The following ECT2L variants were observed in gnomAD, a reference collection of about 807,000 sequenced individuals.
ECT2L encodes the protein epithelial cell transforming 2 like.
In ECT2L, 126 loss-of-function variants were observed where a neutral mutation model predicts 122.8. The observed-to-expected ratio is 1.03, with a 90% CI of 0.89 to 1.19. The LOEUF is 1.19. ECT2L is among the 50% of genes most tolerant of loss of function. The probability of loss-of-function intolerance (pLI) is 0.00; values close to 1 mark genes in which losing one functional copy is unlikely to be tolerated. For synonymous variants in ECT2L, 385 were observed against 381.8 expected (o/e 1.01, Z -0.10); for missense variants, 1,012 against 1,064.1 (o/e 0.95, Z 0.68).
chr6:138,849,497 T>C, intron 9 of ECT2L, 63 bp downstream of exon 9: 1 of 1,486,254 alleles, frequency 6.7e-7, no homozygotes, highest in Non-Finnish European at 9.0e-7. Flanking sequence ...TTGTCCACAG[T>C]GTGACTTCCG....
At chr6:138,850,134 G>A (rs1029782826) in intron 9 of ECT2L, among the ~76,000 whole-genome samples, 2 of 128,690 alleles carry the variant, frequency 1.6e-5, no homozygotes, top group Non-Finnish European at 1.6e-5. Flanking sequence ...AGTATTTGTC[G>A]TTTTGTGACT....
intron 4 of ECT2L, among the ~76,000 whole-genome samples, chr6:138,825,817 A>AT (rs1776428741): frequency 6.6e-6 from 1 of 152,216 alleles, no homozygotes; most frequent in Non-Finnish European, 1.5e-5. Flanking sequence ...TGAAGACTTT[A>AT]GCACATGCTT....
At chr6:138,811,637 A>G (rs899077782) in intron 1 of ECT2L, among the ~76,000 whole-genome samples, 1 of 152,146 alleles carries the variant, frequency 6.6e-6, no homozygotes, top group Non-Finnish European at 1.5e-5. Flanking sequence ...CTGGAGCCCA[A>G]AAGTTTAAAG....
chr6:138,881,035 G>A lies in ECT2L; in HGVS notation c.1744G>A (p.Val582Met), dbSNP rs117411218. The part of the protein sequence containing the change: ...RELLQSERKY[V>M]QILEIVRDVY... ...ACTCTTACAGAGTGAGAGAAAATAC[G>A]TGCAGATACTGGAAATTGTGAGAGA... The change falls in exon 15 of 22, where the codon GTG becomes ATG. Residue 582 changes from valine (V) to methionine (M), a missense_variant. Transcript: ENST00000541398. The A allele has an allele frequency of 7.0e-5, 113 of 1,614,116 alleles. 1 individual carries two copies. The East Asian group carries it at 2.2e-3, about 31-fold the overall frequency.
chr6:138,864,889 T>C lies in ECT2L; in HGVS notation c.1292-107T>C. 16 of 1,064,790 alleles carry C rather than the reference T, an allele frequency of 1.5e-5. No individual in the cohort carries two copies. The South Asian group carries it at 2.9e-4, about 20-fold the overall frequency. The allele number at this position is 1,064,790 out of a possible 1,614,324, so 66.0% of individuals were successfully genotyped here. A position where few individuals can be genotyped will look rare whatever the true frequency, so the allele number is the denominator to read the frequency against. On this transcript the variant is annotated intron_variant, in intron 11 of 21. Transcript: ENST00000541398. ...TTAGTCTTCTAATGAGAAACGATAATAAACTCAATACAAATGCAACTAAGA... is the reference window on the plus strand; with the variant it reads ...TTAGTCTTCTAATGAGAAACGATAACAAACTCAATACAAATGCAACTAAGA...
chr6:138,842,546 C>T (rs369814155), intron 5 of ECT2L, among the ~76,000 whole-genome samples: 9 of 152,054 alleles, frequency 5.9e-5, no homozygotes, highest in African/African-American at 9.6e-5. Flanking sequence ...CCAAGGTGGG[C>T]GGATCACGAG....
Position 138,881,096 on chromosome 6 carries a change from C to G in ECT2L, c.1805C>G (p.Ser602Ter). Residue 602 changes from serine to a stop codon, truncating the protein, a stop_gained, in exon 15 of 22, where the codon TCA (serine) becomes TGA (stop). Transcript: ENST00000541398. LOFTEE classifies it high-confidence loss of function. ...GCACCACTGAAAGCAGCATTGTCAT[C>G]AAACAGAGCGATTCTGAGTGCTGCC... Reference protein sequence around the residue: ...YVAPLKAALSSNRAILSAANI... With the variant: ...YVAPLKAALS The G allele has an allele frequency of 6.2e-7, 1 of 1,614,166 alleles. No homozygotes were observed. Among genetic ancestry groups the G allele is most frequent in the Non-Finnish European group, 8.5e-7 (1 of 1,180,018 alleles).
rs188902532 is a variant in ECT2L at position 138,807,860 on chromosome 6, G to C, written c.-243-4978G>C. ...GGGTCTGTTTCTGAATAACTGCTGT[G>C]TTCCACTGGTTTATTTGTTTGTTCA... is the stretch of plus-strand genomic sequence containing the variant. On this transcript the variant is annotated intron_variant, in intron 1 of 21. Transcript: ENST00000541398. 1.1e-3 allele frequency among the ~76,000 whole-genome samples: 170 copies of C among 152,238 alleles called. 1 individual carries two copies. Among genetic ancestry groups the C allele is most frequent in the Admixed American group, 4.4e-3 (68 of 15,286 alleles).
chr6:138,857,939 G>A (rs531881257), intron 10 of ECT2L, among the ~76,000 whole-genome samples: 18 of 152,244 alleles, frequency 1.2e-4, no homozygotes, highest in African/African-American at 4.3e-4. Flanking sequence ...TCTCCACGTG[G>A]CGGCAGGAGG....
chr6:138,857,940 C>T (rs758735968), intron 10 of ECT2L, among the ~76,000 whole-genome samples: 9 of 152,096 alleles, frequency 5.9e-5, no homozygotes, highest in Non-Finnish European at 1.2e-4. Flanking sequence ...CTCCACGTGG[C>T]GGCAGGAGGA....
At chr6:138,796,246 A>C (rs1775336515) in intron 1 of ECT2L, 54 bp downstream of exon 1, 1 of 152,270 alleles carries the variant, frequency 6.6e-6, no homozygotes, top group Non-Finnish European at 1.5e-5. Context: ...CGCCCGGGGC[A>C]CATCGCCTGG....
intron 1 of ECT2L, among the ~76,000 whole-genome samples, chr6:138,797,027 T>C (rs1456074502): frequency 6.6e-6 from 1 of 152,250 alleles, no homozygotes; most frequent in African/African-American, 2.4e-5. Flanking sequence ...TTTAAACTTA[T>C]AAATCAGTGA....
At chr6:138,865,955 A>C (rs1778019869) in intron 12 of ECT2L, among the ~76,000 whole-genome samples, 2 of 152,224 alleles carry the variant, frequency 1.3e-5, no homozygotes, top group Non-Finnish European at 2.9e-5. Context: ...CCATCTACAC[A>C]AGAGCTGTAA....
At chr6:138,870,520 A>T (rs1280242138) in intron 13 of ECT2L, among the ~76,000 whole-genome samples, 3 of 152,146 alleles carry the variant, frequency 2.0e-5, no homozygotes, top group Admixed American at 2.0e-4. Context: ...GCCGCTTAAA[A>T]GCATAAACTG....
chr6:138,800,900 G>A (rs2128367703), intron 1 of ECT2L, among the ~76,000 whole-genome samples: 1 of 152,298 alleles, frequency 6.6e-6, no homozygotes, highest in Non-Finnish European at 1.5e-5. Context: ...GTTGGTTGGT[G>A]AGGGCTGCTC....
chr6:138,853,966 A>G (rs1347439331), intron 9 of ECT2L, 60 bp from the exon 10 acceptor site: 3 of 1,556,738 alleles, frequency 1.9e-6, no homozygotes, highest in Non-Finnish European at 2.6e-6. Flanking sequence ...CAAGCTGCTA[A>G]TAATTTCTGT....
chr6:138,849,027 G>A (rs1156441203), intron 8 of ECT2L, among the ~76,000 whole-genome samples: 1 of 152,140 alleles, frequency 6.6e-6, no homozygotes, highest in Non-Finnish European at 1.5e-5. Flanking sequence ...CTGGAAGAAA[G>A]TAATCTAAAT....
In ECT2L at chr6:138,854,133, T is replaced by C; in HGVS notation, c.1177T>C (p.Phe393Leu). Residue 393 changes from phenylalanine (F) to leucine (L), a missense_variant, in exon 10 of 22, where the codon TTC (phenylalanine) becomes CTC (leucine). Physicochemically the swap from Phe to Leu is conservative, Grantham distance 22. Coordinates refer to ENST00000541398, the MANE Select transcript of ECT2L (RefSeq NM_001077706.3). ...TEEEGGHVDF[F>L]VPLGASEAGI... The stretch of plus-strand genomic sequence containing the variant: ...AGAAGAAGGGGGTCACGTGGACTTC[T>C]TCGTGCCCCTTGGAGCATCAGGTTA... 1 of 1,614,000 alleles carries C rather than the reference T, an allele frequency of 6.2e-7. No individual in the cohort carries two copies. Among genetic ancestry groups the C allele is most frequent in the Non-Finnish European group, 8.5e-7 (1 of 1,179,942 alleles).
intron 13 of ECT2L, among the ~76,000 whole-genome samples, chr6:138,872,568 C>T (rs1314196638): frequency 6.6e-6 from 1 of 152,190 alleles, no homozygotes; most frequent in African/African-American, 2.4e-5. Context: ...CTTTGAAATT[C>T]TTGGAGATTA....
Sources: allele counts gnomAD v4.1 joint callset (sites outside exome capture counted in the v4.1 genomes callset), GRCh38; gene constraint gnomAD v4.1.1; transcripts MANE v1.5; gene names NCBI Gene and HGNC (gene_info 2026-07-23, HGNC 2026-07-21).